The following SND1 variants were observed in gnomAD, a reference collection of about 807,000 sequenced individuals.
SND1 encodes the protein staphylococcal nuclease domain-containing protein 1.
A neutral mutation model predicts 121.7 loss-of-function variants in SND1; 38 were observed. That is an observed-to-expected ratio of 0.31 (90% CI 0.24 to 0.41). The LOEUF (loss-of-function observed/expected upper bound fraction) is 0.41, where lower values mean the gene tolerates loss of function less well. Among genes scored for constraint, SND1 ranks in the 10% least tolerant of loss-of-function variants. The pLI is 1.00. For missense variants in SND1, 868 were observed against 1,184.6 expected, an observed-to-expected ratio of 0.73 and a Z score of 3.92; for synonymous variants, 401 against 447.4, an observed-to-expected ratio of 0.90 and a Z score of 1.31.
intron 16 of SND1, among the ~76,000 whole-genome samples, chr7:128,016,637 C>T (rs546787572): frequency 5.9e-5 from 9 of 152,200 alleles, no homozygotes; most frequent in Non-Finnish European, 1.2e-4. Context: ...AGCTCCTTTA[C>T]CAAAGCGTAG....
intron 15 of SND1, among the ~76,000 whole-genome samples, chr7:127,961,902 C>T (rs956053213): frequency 3.3e-5 from 5 of 152,184 alleles, no homozygotes; most frequent in Admixed American, 1.3e-4. Context: ...CTTTGTTGGC[C>T]GAAGCGCCTC....
intron 14 of SND1, among the ~76,000 whole-genome samples, chr7:127,913,584 AT>A (rs1418825346): frequency 6.6e-6 from 1 of 152,160 alleles, no homozygotes; most frequent in African/African-American, 2.4e-5. Flanking sequence ...ACACTCTATG[AT>A]TCTATTTCAT....
intron 17 of SND1, among the ~76,000 whole-genome samples, chr7:128,075,849 A>G (rs1355086985): frequency 6.6e-6 from 1 of 152,210 alleles, no homozygotes; most frequent in Non-Finnish European, 1.5e-5. Flanking sequence ...CTCAGCTCCT[A>G]TAGGAAAGGA....
chr7:127,690,244 C>T (rs753411367), intron 2 of SND1, among the ~76,000 whole-genome samples: 2 of 152,022 alleles, frequency 1.3e-5, no homozygotes, highest in Non-Finnish European at 2.9e-5. Context: ...TCCTCATTAC[C>T]TCTGTGACAA....
intron 10 of SND1, among the ~76,000 whole-genome samples, chr7:127,771,448 T>C (rs532361880): frequency 6.6e-6 from 1 of 152,312 alleles, no homozygotes; most frequent in African/African-American, 2.4e-5. Flanking sequence ...TACTTGCAGG[T>C]AGATTGATTA....
intron 12 of SND1, among the ~76,000 whole-genome samples, chr7:127,846,050 T>TA (rs1194833339): frequency 2.6e-5 from 4 of 152,140 alleles, no homozygotes; most frequent in African/African-American, 9.7e-5. Flanking sequence ...AAATGTGGGG[T>TA]AGCTGTCTGT....
At chr7:127,693,702 A>C (rs1178526723) in intron 2 of SND1, among the ~76,000 whole-genome samples, 1 of 152,198 alleles carries the variant, frequency 6.6e-6, no homozygotes, top group Non-Finnish European at 1.5e-5. Context: ...TAGACAATGT[A>C]TGCATATTGT....
chr7:127,671,730 A>T (rs1183363530), intron 1 of SND1, among the ~76,000 whole-genome samples: 4 of 152,214 alleles, frequency 2.6e-5, no homozygotes, highest in Non-Finnish European at 5.9e-5. Flanking sequence ...TTGATTCTTT[A>T]ACTTTGAACT....
chr7:127,813,261 C>T (rs144127537), intron 11 of SND1, among the ~76,000 whole-genome samples: 1,928 of 152,284 alleles, frequency 0.013, 14 homozygotes, highest in Non-Finnish European at 0.022. Flanking sequence ...TTTAGATGCT[C>T]TTTACCCTTT....
intron 10 of SND1, among the ~76,000 whole-genome samples, chr7:127,747,244 T>C (rs1205356843): frequency 6.6e-6 from 1 of 152,214 alleles, no homozygotes; most frequent in Non-Finnish European, 1.5e-5. Flanking sequence ...GTGTGCCCTA[T>C]CATTAAATGA....
intron 12 of SND1, among the ~76,000 whole-genome samples, chr7:127,853,047 G>T (rs1195883027): frequency 6.6e-6 from 1 of 152,132 alleles, no homozygotes; most frequent in Admixed American, 6.5e-5. Flanking sequence ...AAGCGAGTAG[G>T]GAGGCAGGTA....
At chr7:127,926,743 TG>T (rs1424682202) in intron 14 of SND1, among the ~76,000 whole-genome samples, 2 of 148,394 alleles carry the variant, frequency 1.3e-5, no homozygotes, top group African/African-American at 5.1e-5. Flanking sequence ...TTGTTGTTGT[TG>T]TTGTTGTTGT....
At chr7:127,787,230 CTTTG>C (rs1174900382) in intron 10 of SND1, among the ~76,000 whole-genome samples, 5 of 151,818 alleles carry the variant, frequency 3.3e-5, no homozygotes. Flanking sequence ...ATTGATTTTC[CTTTG>C]TTTGTTTGTT....
chr7:128,011,031 A>G (rs1198874433), intron 16 of SND1, among the ~76,000 whole-genome samples: 1 of 152,178 alleles, frequency 6.6e-6, no homozygotes, highest in Non-Finnish European at 1.5e-5. Context: ...AATGAAATAA[A>G]TAAGTAAAAT....
At chr7:127,864,566 G>T (rs1258276380) in intron 12 of SND1, among the ~76,000 whole-genome samples, 1 of 152,108 alleles carries the variant, frequency 6.6e-6, no homozygotes, top group Non-Finnish European at 1.5e-5. Flanking sequence ...TTTCCTGTTA[G>T]AATTTTATTA....
chr7:127,681,182 T>G (rs545012387), intron 1 of SND1, among the ~76,000 whole-genome samples: 4 of 152,342 alleles, frequency 2.6e-5, no homozygotes, highest in Non-Finnish European at 5.9e-5. Flanking sequence ...CTTATTGATT[T>G]TAGCTATCCT....
chr7:127,736,763 C>G (rs986786211), intron 10 of SND1, among the ~76,000 whole-genome samples: 5 of 152,172 alleles, frequency 3.3e-5, no homozygotes, highest in Non-Finnish European at 5.9e-5. Context: ...GCCCATCCCC[C>G]CAAACAGCTG....
At chr7:127,793,883 C>T (rs1389314461) in intron 10 of SND1, among the ~76,000 whole-genome samples, 1 of 152,130 alleles carries the variant, frequency 6.6e-6, no homozygotes, top group Non-Finnish European at 1.5e-5. Flanking sequence ...GAGAAAAGAA[C>T]CCCAACAAAT....
chr7:127,952,980 T>C (rs1020773792), intron 15 of SND1, among the ~76,000 whole-genome samples: 1 of 151,954 alleles, frequency 6.6e-6, no homozygotes, highest in African/African-American at 2.4e-5. Flanking sequence ...CCTGGCCATA[T>C]AGTGAGACCC....
Sources: allele counts gnomAD v4.1 joint callset (sites outside exome capture counted in the v4.1 genomes callset), GRCh38; gene constraint gnomAD v4.1.1; transcripts MANE v1.5; gene names NCBI Gene and HGNC (gene_info 2026-07-23, HGNC 2026-07-21).